Variants in LRRC4C observed in about 807,000 individuals in gnomAD.
The protein encoded by LRRC4C is leucine rich repeat containing 4C.
A neutral mutation model predicts 33.6 loss-of-function variants in LRRC4C; 5 were observed. The ratio of observed to expected loss-of-function variants is 0.15; its 90% CI spans 0.08 to 0.31. The LOEUF (loss-of-function observed/expected upper bound fraction) is 0.31, where lower values mean the gene tolerates loss of function less well. Among genes scored for constraint, LRRC4C ranks in the 10% least tolerant of loss-of-function variants. LRRC4C has a pLI of 1.00. For missense variants in LRRC4C, 560 were observed against 796.7 expected, an observed-to-expected ratio of 0.70 and a Z score of 3.58; for synonymous variants, 329 against 302.0, an observed-to-expected ratio of 1.09 and a Z score of -0.93.
intron 1 of LRRC4C, among the ~76,000 whole-genome samples, chr11:41,428,808 G>A: frequency 6.6e-6 from 1 of 152,012 alleles, no homozygotes; most frequent in East Asian, 1.9e-4. Flanking sequence ...GAATACACTA[G>A]CTTGTAGTCT....
At chr11:40,145,783 AT>A (rs1258735581) in intron 5 of LRRC4C, among the ~76,000 whole-genome samples, 2 of 152,044 alleles carry the variant, frequency 1.3e-5, no homozygotes, top group African/African-American at 4.8e-5. Context: ...CCACTTTATT[AT>A]TTTTTTCTAT....
At chr11:40,727,511 A>C (rs1947342071) in intron 2 of LRRC4C, among the ~76,000 whole-genome samples, 1 of 152,244 alleles carries the variant, frequency 6.6e-6, no homozygotes, top group East Asian at 1.9e-4. Flanking sequence ...ACCTGAGCAA[A>C]GCATTTATAA....
chr11:41,351,656 C>T (rs183097592), intron 1 of LRRC4C, among the ~76,000 whole-genome samples: 40 of 152,250 alleles, frequency 2.6e-4, no homozygotes, highest in Admixed American at 1.2e-3. Context: ...TCAGCAGACA[C>T]TTTAAAAGCC....
intron 2 of LRRC4C, among the ~76,000 whole-genome samples, chr11:40,765,014 C>T (rs1002410796): frequency 2.0e-5 from 3 of 152,156 alleles, no homozygotes; most frequent in African/African-American, 7.2e-5. Flanking sequence ...ATATCCAACT[C>T]TTCAGTGCTC....
Position 40,390,061 on chromosome 11 carries a change from C to G in LRRC4C, c.-269-70340G>C, listed in dbSNP as rs577013747. On this transcript the variant is annotated intron_variant, in intron 3 of 6. Transcript: ENST00000528697. ...CATCAATGAGCATTTATAATTTATG[C>G]CTCTATTTATAGGGAGTTATCACAA... 7.2e-5 allele frequency among the ~76,000 whole-genome samples: 11 copies of G among 152,210 alleles called. No individual in the cohort carries two copies. In the South Asian group the frequency reaches 2.1e-3, roughly 29 times the overall value.
At chr11:41,145,076 CA>C (rs2135932190) in intron 1 of LRRC4C, among the ~76,000 whole-genome samples, 1 of 152,218 alleles carries the variant, frequency 6.6e-6, no homozygotes, top group African/African-American at 2.4e-5. Flanking sequence ...GAAAAATAAG[CA>C]TACGTAATAC....
intron 3 of LRRC4C, chr11:40,446,857 CA>C (rs1951659683): frequency 6.6e-6 from 1 of 152,188 alleles, no homozygotes; most frequent in African/African-American, 2.4e-5. Context: ...CCCCATGATT[CA>C]ATTACCTCCA....
intron 4 of LRRC4C, among the ~76,000 whole-genome samples, chr11:40,259,271 T>C (rs1867480663): frequency 6.6e-6 from 1 of 151,990 alleles, no homozygotes; most frequent in African/African-American, 2.4e-5. Flanking sequence ...TGTTTTTTTC[T>C]TGTAAATTTG....
chr11:41,131,625 A>G (rs1256702763), intron 1 of LRRC4C, among the ~76,000 whole-genome samples: 1 of 152,084 alleles, frequency 6.6e-6, no homozygotes, highest in Non-Finnish European at 1.5e-5. Context: ...TAAGGCTGAG[A>G]CCTACAGGGC....
rs189218000 is a variant in LRRC4C at position 40,882,767 on chromosome 11, C to T, written c.-407+50868G>A. Reference sequence around the variant, plus strand: ...TACTGACCTTCATTTTCTTCTCCTCCTCTTCCTTTCTCTTTTTCTTGAAAT... The same window carrying T: ...TACTGACCTTCATTTTCTTCTCCTCTTCTTCCTTTCTCTTTTTCTTGAAAT... On this transcript the variant is annotated intron_variant, in intron 2 of 6. Coordinates refer to ENST00000528697, the MANE Select transcript of LRRC4C (RefSeq NM_001258419.2). Among the ~76,000 whole-genome samples, 846 of 152,178 alleles carry T rather than the reference C, an allele frequency of 5.6e-3. 7 individuals carry two copies. Among genetic ancestry groups the T allele is most frequent in the Admixed American group, 0.013 (203 of 15,258 alleles).
chr11:41,340,870 T>G (rs1951611856), intron 1 of LRRC4C, among the ~76,000 whole-genome samples: 1 of 152,198 alleles, frequency 6.6e-6, no homozygotes, highest in Admixed American at 6.5e-5. Context: ...CCTATTTCAA[T>G]TCTGGGATTT....
At chr11:40,120,955 A>G (rs999515680) in intron 6 of LRRC4C, among the ~76,000 whole-genome samples, 3 of 152,272 alleles carry the variant, frequency 2.0e-5, no homozygotes, top group Non-Finnish European at 2.9e-5. Context: ...ACCTAGTCAA[A>G]AGACTTTGGT....
chr11:40,498,477 C>A (rs1376995964), intron 3 of LRRC4C, among the ~76,000 whole-genome samples: 1 of 152,248 alleles, frequency 6.6e-6, no homozygotes, highest in African/African-American at 2.4e-5. Flanking sequence ...TACTTTTGTT[C>A]ATTTTAATAT....
At chr11:41,452,532 A>T (rs1423849675) in intron 1 of LRRC4C, among the ~76,000 whole-genome samples, 1 of 152,132 alleles carries the variant, frequency 6.6e-6, no homozygotes. Context: ...CTCTTTTTCA[A>T]GAAAGCTTTC....
At chr11:40,614,439 T>TGCTGTGGATTAAGCTTTGGCTTAAGA (rs142045319) in intron 3 of LRRC4C, among the ~76,000 whole-genome samples, 1 of 151,342 alleles carries the variant, frequency 6.6e-6, no homozygotes, top group African/African-American at 2.4e-5. Context: ...GAGTGGGTGT[T>TGCTGTGGATTAAGCTTTGGCTTAAGA]GAATGTTGTG....
chr11:40,487,988 G>T (rs928870614), intron 3 of LRRC4C, among the ~76,000 whole-genome samples: 4 of 152,164 alleles, frequency 2.6e-5, no homozygotes, highest in Admixed American at 1.3e-4. Context: ...CCACATTAAG[G>T]ATGAGTAAAA....
chr11:41,423,206 G>A (rs188660712), intron 1 of LRRC4C, among the ~76,000 whole-genome samples: 29 of 152,096 alleles, frequency 1.9e-4, no homozygotes, highest in Admixed American at 1.6e-3. Flanking sequence ...AAATCTGGGT[G>A]TGGATTATTT....
intron 1 of LRRC4C, among the ~76,000 whole-genome samples, chr11:40,966,841 A>C (rs1038506697): frequency 1.3e-5 from 2 of 151,930 alleles, no homozygotes; most frequent in Non-Finnish European, 2.9e-5. Context: ...CACTGACTAG[A>C]GCATCTCCTA....
At chr11:41,155,580 A>AT (rs937557215) in intron 1 of LRRC4C, among the ~76,000 whole-genome samples, 5 of 152,062 alleles carry the variant, frequency 3.3e-5, no homozygotes, top group African/African-American at 1.2e-4. Flanking sequence ...CCGTTGAGAG[A>AT]TTTTGGATTA....
Sources: gnomAD v4.1 joint callset for allele counts (sites outside exome capture counted in the v4.1 genomes callset) on GRCh38, gnomAD v4.1.1 for gene constraint, MANE v1.5 for transcripts, NCBI Gene and HGNC (gene_info 2026-07-23, HGNC 2026-07-21) for gene names.